The following NCKAP5 variants were observed in gnomAD, a reference collection of about 807,000 sequenced individuals.
NCKAP5 encodes the protein nck-associated protein 5.
In NCKAP5, 92 loss-of-function variants were observed where a neutral mutation model predicts 167.0. That is an observed-to-expected ratio of 0.55 (90% CI 0.47 to 0.66). The LOEUF is 0.66. Ranked by LOEUF, NCKAP5 falls within the 30% of genes least tolerant of loss-of-function variation. The pLI is 0.00. For synonymous variants in NCKAP5, 891 were observed against 877.4 expected (o/e 1.02, Z -0.27); for missense variants, 2,378 against 2,315.0 (o/e 1.03, Z -0.56).
intron 6 of NCKAP5, among the ~76,000 whole-genome samples, chr2:133,063,927 A>C (rs2080098853): frequency 6.6e-6 from 1 of 152,246 alleles, no homozygotes; most frequent in Admixed American, 6.5e-5. Flanking sequence ...AAAGGAATGG[A>C]GACTAGAAAG....
At chr2:132,696,956 C>T (rs950356425) in intron 19 of NCKAP5, among the ~76,000 whole-genome samples, 12 of 152,124 alleles carry the variant, frequency 7.9e-5, no homozygotes, top group South Asian at 4.1e-4. Context: ...GGTGTGATCA[C>T]GGTTCACTGC....
intron 5 of NCKAP5, among the ~76,000 whole-genome samples, chr2:133,186,166 A>G (rs1236132220): frequency 1.3e-5 from 2 of 152,104 alleles, no homozygotes; most frequent in African/African-American, 2.4e-5. Flanking sequence ...GGTTTTTATC[A>G]TGAAGTGATG....
chr2:133,540,933 CAAAA>C (rs10666328), intron 2 of NCKAP5, among the ~76,000 whole-genome samples: 2 of 100,056 alleles, frequency 2.0e-5, no homozygotes, highest in Admixed American at 1.2e-4. Context: ...GACTCTGTCT[CAAAA>C]AAAAAAAAAA....
At chr2:132,753,210 T>C (rs1234922011) in intron 16 of NCKAP5, among the ~76,000 whole-genome samples, 1 of 152,150 alleles carries the variant, frequency 6.6e-6, no homozygotes, top group Non-Finnish European at 1.5e-5. Context: ...AGAGCCAAAA[T>C]GAAGGGAGAA....
chr2:132,979,995 TC>T lies in NCKAP5; in HGVS notation c.429+14156del, dbSNP rs200574975. Among the ~76,000 whole-genome samples, 225 of 145,788 alleles carry T rather than the reference TC, an allele frequency of 1.5e-3. 1 individual carries two copies. Among genetic ancestry groups the T allele is most frequent in the African/African-American group, 5.7e-3 (207 of 36,562 alleles). On this transcript the variant is annotated intron_variant, in intron 7 of 19. Transcript: ENST00000409261. ...TTTTTTTTCTTTTTCTTTTTCTTTT[TC>T]TTTTTTTTTTTTTTTGAGACAGGGT...
At chr2:133,135,688 G>C (rs1405528675) in intron 5 of NCKAP5, among the ~76,000 whole-genome samples, 2 of 151,964 alleles carry the variant, frequency 1.3e-5, no homozygotes. Flanking sequence ...CTAGAGAAGT[G>C]GTTTTGAACA....
chr2:132,866,310 A>C (rs1272737940), intron 10 of NCKAP5, among the ~76,000 whole-genome samples: 1 of 152,228 alleles, frequency 6.6e-6, no homozygotes, highest in Non-Finnish European at 1.5e-5. Context: ...AATTGACTTA[A>C]TGAAGATAAA....
intron 19 of NCKAP5, among the ~76,000 whole-genome samples, chr2:132,689,657 C>T (rs1474442496): frequency 6.6e-6 from 1 of 152,152 alleles, no homozygotes; most frequent in African/African-American, 2.4e-5. Context: ...TGTCATCTGT[C>T]ATCTGTCATC....
chr2:132,874,665 G>A (rs1026545274), intron 9 of NCKAP5, among the ~76,000 whole-genome samples: 15 of 152,046 alleles, frequency 9.9e-5, no homozygotes, highest in Non-Finnish European at 1.5e-4. Context: ...CTCCACCGTC[G>A]TCACTGACTG....
At chr2:132,942,023 G>A (rs1697337666) in intron 8 of NCKAP5, among the ~76,000 whole-genome samples, 1 of 152,098 alleles carries the variant, frequency 6.6e-6, no homozygotes, top group Non-Finnish European at 1.5e-5. Context: ...AAATGGGTGT[G>A]TTATAGTTCC....
chr2:133,268,532 C>G (rs1205077650), intron 4 of NCKAP5: 3 of 142,154 alleles, frequency 2.1e-5, no homozygotes, highest in East Asian at 4.2e-4. Flanking sequence ...ACCCAGGCTG[C>G]AGTGCACTGG....
intron 3 of NCKAP5, chr2:133,433,351 G>C (rs1437749591): frequency 1.3e-5 from 2 of 152,138 alleles, no homozygotes; most frequent in Non-Finnish European, 2.9e-5. Context: ...CTGCCAATTT[G>C]ATACCTTTTA....
intron 6 of NCKAP5, among the ~76,000 whole-genome samples, chr2:133,075,579 C>T (rs746036708): frequency 6.6e-6 from 1 of 152,050 alleles, no homozygotes; most frequent in South Asian, 2.1e-4. Context: ...ACAAAAGGGT[C>T]GTGCAAAGGA....
At chr2:133,608,921 T>C in the NCKAP5 span, among the ~76,000 whole-genome samples, 1 of 152,244 alleles carries the variant, frequency 6.6e-6, no homozygotes, top group African/African-American at 2.4e-5. Context: ...CCAACCACAC[T>C]GAATGGATTG....
intron 4 of NCKAP5, among the ~76,000 whole-genome samples, chr2:133,267,598 G>A (rs1414907075): frequency 6.6e-6 from 1 of 151,974 alleles, no homozygotes; most frequent in Non-Finnish European, 1.5e-5. Context: ...ATCTGCTTTG[G>A]GCAAGAAAAC....
At chr2:133,334,148 G>A (rs1262313691) in intron 3 of NCKAP5, among the ~76,000 whole-genome samples, 1 of 152,168 alleles carries the variant, frequency 6.6e-6, no homozygotes, top group Admixed American at 6.5e-5. Context: ...TTCAAAGCCT[G>A]GCTCTGTGAC....
intron 5 of NCKAP5, among the ~76,000 whole-genome samples, chr2:133,159,971 T>C (rs149288928): frequency 3.3e-5 from 5 of 152,282 alleles, no homozygotes; most frequent in Non-Finnish European, 7.4e-5. Context: ...GATGGGGATA[T>C]GTAGTCCCTC....
intron 5 of NCKAP5, among the ~76,000 whole-genome samples, chr2:133,173,321 A>T (rs1389053006): frequency 6.6e-6 from 1 of 152,218 alleles, no homozygotes; most frequent in African/African-American, 2.4e-5. Flanking sequence ...AATACTGAGC[A>T]TCATTCATAT....
At chr2:133,463,647 G>A (rs1343384926) in intron 3 of NCKAP5, among the ~76,000 whole-genome samples, 1 of 152,204 alleles carries the variant, frequency 6.6e-6, no homozygotes, top group Non-Finnish European at 1.5e-5. Flanking sequence ...ATACTTAAGT[G>A]GGCATCCAAG....
Sources: gnomAD v4.1 joint callset for allele counts (sites outside exome capture counted in the v4.1 genomes callset) on GRCh38, gnomAD v4.1.1 for gene constraint, MANE v1.5 for transcripts, NCBI Gene and HGNC (gene_info 2026-07-23, HGNC 2026-07-21) for gene names.